DLC1: variants seen among roughly 807,000 people sequenced by gnomAD.
DLC1 encodes DLC1 Rho GTPase activating protein.
In DLC1, 54 loss-of-function variants were observed where a neutral mutation model predicts 140.3. That is an observed-to-expected ratio of 0.38 (90% confidence interval 0.31 to 0.48). DLC1 has a LOEUF of 0.48. Ranked by LOEUF, DLC1 falls within the 20% of genes least tolerant of loss-of-function variation. DLC1 has a pLI of 0.96. For synonymous variants in DLC1, 986 were observed against 728.1 expected, an observed-to-expected ratio of 1.35 and a Z score of -5.70; for missense variants, 2,536 against 1,907.0, an observed-to-expected ratio of 1.33 and a Z score of -6.14.
Position 13,099,753 on chromosome 8 carries a change from C to T in DLC1, c.2584G>A (p.Glu862Lys). The T allele has an allele frequency of 3.1e-6, 5 of 1,614,138 alleles. No homozygotes were observed. Among genetic ancestry groups the T allele is most frequent in the Non-Finnish European group, 4.2e-6 (5 of 1,180,042 alleles). ...RRENSSDSPKELKRRNSSSSM... is the reference protein window; with the variant it reads ...RRENSSDSPKKLKRRNSSSSM... ...CTGGAAGAATTGCGTCTCTTCAGTT[C>T]CTTGGGGCTGTCGCTACTGTTTTCC... The change falls in exon 9 of 18, where the codon GAA becomes AAA. Residue 862 changes from glutamate (E) to lysine (K), a missense_variant. Transcript: ENST00000276297.
At chr8:13,128,802 T>C (rs1199589908) in intron 5 of DLC1, among the ~76,000 whole-genome samples, 1 of 147,638 alleles carries the variant, frequency 6.8e-6, no homozygotes, top group Admixed American at 6.8e-5. Context: ...GCCACTGCAC[T>C]CCAGCCTGGG....
intron 5 of DLC1, 89 bp from the exon 6 acceptor site, chr8:13,115,746 GC>G (rs1354143778): frequency 9.1e-6 from 11 of 1,204,092 alleles, no homozygotes; most frequent in Non-Finnish European, 1.3e-5. Context: ...TATGATACAA[GC>G]AAAACATGAC....
At position 13,092,597 on chromosome 8, in the gene DLC1, C is replaced by T; in HGVS notation, c.3740+15G>A. On this transcript the variant is annotated intron_variant, in intron 13 of 17. Coordinates refer to ENST00000276297, the MANE Select transcript of DLC1 (RefSeq NM_182643.3). ...GCTGCCCCCTGTGTGCATGCACCTC[C>T]CATGCAGCCCGTACCTGGGAGAGGA... The T allele has an allele frequency of 6.2e-7, 1 of 1,612,782 alleles. No homozygotes were observed. The highest frequency in any genetic ancestry group is 8.5e-7 in the Non-Finnish European group (1 of 1,179,492).
chr8:13,198,116 A>T (rs1390350656), intron 5 of DLC1, among the ~76,000 whole-genome samples: 1 of 152,134 alleles, frequency 6.6e-6, no homozygotes, highest in East Asian at 1.9e-4. Flanking sequence ...AAAAAAAAAA[A>T]TTAAGTCAAT....
intron 5 of DLC1, among the ~76,000 whole-genome samples, chr8:13,227,269 G>A (rs566464236): frequency 1.1e-4 from 17 of 152,190 alleles, no homozygotes; most frequent in South Asian, 2.1e-4. Flanking sequence ...GAACTGTATC[G>A]CCATCTCATT....
chr8:13,386,301 T>A (rs2410055), intron 4 of DLC1, among the ~76,000 whole-genome samples: 1 of 152,172 alleles, frequency 6.6e-6, no homozygotes, highest in South Asian at 2.1e-4. Context: ...TTTGGTTTTA[T>A]GAATTCTGCT....
chr8:13,569,645 C>G (rs945699426), intron 1 of DLC1, among the ~76,000 whole-genome samples: 3 of 152,140 alleles, frequency 2.0e-5, no homozygotes, highest in Non-Finnish European at 4.4e-5. Context: ...CAACCCCAAG[C>G]TATTTTTCAG....
intron 4 of DLC1, among the ~76,000 whole-genome samples, chr8:13,380,431 AT>A (rs1411619119): frequency 6.6e-6 from 1 of 152,214 alleles, no homozygotes; most frequent in Non-Finnish European, 1.5e-5. Flanking sequence ...AAGAAAACCC[AT>A]TGTTTAATAT....
chr8:13,090,994 G>T lies in DLC1; in HGVS notation c.3855+324C>A, dbSNP rs552437900. Among the ~76,000 whole-genome samples the T allele has an allele frequency of 7.3e-5, 11 of 151,486 alleles. No homozygotes were observed. The East Asian group carries it at 2.1e-3, about 29-fold the overall frequency. ...TAATTTTTAAATTTTTTTTTGTAGAGATGAGGTCTCACCATGTTGCCCGGG... is the reference window on the plus strand; with the variant it reads ...TAATTTTTAAATTTTTTTTTGTAGATATGAGGTCTCACCATGTTGCCCGGG... On this transcript the variant is annotated intron_variant, in intron 14 of 17. Coordinates refer to ENST00000276297, the MANE Select transcript of DLC1 (RefSeq NM_182643.3).
At chr8:13,559,451 TC>T (rs930805882) in intron 1 of DLC1, 1 of 152,242 alleles carries the variant, frequency 6.6e-6, no homozygotes, top group African/African-American at 2.4e-5. Context: ...AGCTCTCTTT[TC>T]CAGGGCAGGG....
At chr8:13,601,330 G>A (rs770392811) in intron 1 of DLC1, among the ~76,000 whole-genome samples, 2 of 151,728 alleles carry the variant, frequency 1.3e-5, no homozygotes, top group African/African-American at 2.4e-5. Flanking sequence ...ATACTTCAGT[G>A]TATAGGGCCC....
chr8:13,365,818 C>T (rs1835454075), intron 4 of DLC1, among the ~76,000 whole-genome samples: 1 of 152,258 alleles, frequency 6.6e-6, no homozygotes, highest in South Asian at 2.1e-4. Flanking sequence ...ATGTCAACCT[C>T]TCAGCCCTAT....
At chr8:13,432,542 T>C (rs1333646192) in intron 2 of DLC1, among the ~76,000 whole-genome samples, 1 of 152,234 alleles carries the variant, frequency 6.6e-6, no homozygotes, top group Admixed American at 6.5e-5. Flanking sequence ...TTAAATTCTT[T>C]GCACTAAGAA....
rs778972387 is a variant in DLC1 at position 13,090,301 on chromosome 8, C to A, written c.4025G>T (p.Gly1342Val). Residue 1342 changes from glycine (G) to valine (V), a missense_variant, in exon 15 of 18, where the codon GGC becomes GTC. Gly to Val is a moderately radical substitution (Grantham distance 109). Transcript: ENST00000276297. ...LFKEVKEKFK[G>V]WVSYSTSEQA... ...CTCCGAAGTGGAGTAGCTGACCCAGCCTTTAAACTTCTCTTTGACTTCTTT... is the reference window on the plus strand; with the variant it reads ...CTCCGAAGTGGAGTAGCTGACCCAGACTTTAAACTTCTCTTTGACTTCTTT... 1.2e-6 allele frequency: 2 copies of A among 1,614,070 alleles called. No homozygotes were observed. Among genetic ancestry groups the A allele is most frequent in the African/African-American group, 1.3e-5 (1 of 74,928 alleles).
intron 2 of DLC1, among the ~76,000 whole-genome samples, chr8:13,422,730 A>G (rs1231306613): frequency 2.0e-5 from 3 of 152,146 alleles, no homozygotes; most frequent in Admixed American, 6.5e-5. Context: ...AGTATACACA[A>G]GAGATAAATA....
At chr8:13,269,174 C>A (rs2117371801) in intron 5 of DLC1, among the ~76,000 whole-genome samples, 1 of 152,196 alleles carries the variant, frequency 6.6e-6, no homozygotes, top group African/African-American at 2.4e-5. Flanking sequence ...CTCCCGGCCT[C>A]ATTCATATTC....
intron 4 of DLC1, among the ~76,000 whole-genome samples, chr8:13,333,982 C>A (rs1833709388): frequency 6.6e-6 from 1 of 152,074 alleles, no homozygotes; most frequent in African/African-American, 2.4e-5. Flanking sequence ...GCTGACCTTC[C>A]AGTGGGGAAG....
chr8:13,366,300 A>G (rs1362927603), intron 4 of DLC1, among the ~76,000 whole-genome samples: 1 of 152,152 alleles, frequency 6.6e-6, no homozygotes, highest in Non-Finnish European at 1.5e-5. Flanking sequence ...TCATTGAGAA[A>G]ATGTCTGTTG....
chr8:13,363,985 C>G (rs1037486090), intron 4 of DLC1, among the ~76,000 whole-genome samples: 1 of 151,962 alleles, frequency 6.6e-6, no homozygotes, highest in Non-Finnish European at 1.5e-5. Flanking sequence ...ACAGTGGTTT[C>G]TTTGTTTGTT....
Sources: gnomAD v4.1 joint callset for allele counts (sites outside exome capture counted in the v4.1 genomes callset) on GRCh38, gnomAD v4.1.1 for gene constraint, MANE v1.5 for transcripts, NCBI Gene and HGNC (gene_info 2026-07-23, HGNC 2026-07-21) for gene names.